Variants in MFHAS1 observed in about 807,000 individuals in gnomAD.
The protein encoded by MFHAS1 is multifunctional ROCO family signaling regulator 1.
A neutral mutation model predicts 70.4 loss-of-function variants in MFHAS1; 50 were observed. That is an observed-to-expected ratio of 0.71 (90% confidence interval 0.57 to 0.90). The LOEUF (loss-of-function observed/expected upper bound fraction) is 0.90. Ranked by LOEUF, MFHAS1 falls within the 40% of genes least tolerant of loss-of-function variation. The probability of loss-of-function intolerance (pLI) is 0.00; values close to 1 mark genes in which losing one functional copy is unlikely to be tolerated. For synonymous variants in MFHAS1, 952 were observed against 620.0 expected, an observed-to-expected ratio of 1.54 and a Z score of -7.96; for missense variants, 1,795 against 1,347.6, an observed-to-expected ratio of 1.33 and a Z score of -5.20.
intron 1 of MFHAS1, among the ~76,000 whole-genome samples, chr8:8,859,503 G>A (rs1208713079): frequency 2.6e-5 from 4 of 152,142 alleles, no homozygotes; most frequent in African/African-American, 9.7e-5. Flanking sequence ...CTACTTATAT[G>A]ACAGTTTTCT....
rs993889964 is a variant in MFHAS1 at position 8,809,489 on chromosome 8, C to A, written c.2999-11998G>T. ...TCACTGACCCTAAAAAGGTCTGACA[C>A]CATGTGACCCAAGTCAAAGCCGCCT... On this transcript the variant is annotated intron_variant, in intron 1 of 2. Transcript: ENST00000276282. Among the ~76,000 whole-genome samples, 7 of 152,292 alleles carry A rather than the reference C, an allele frequency of 4.6e-5. No homozygotes were observed. The East Asian group carries it at 1.4e-3, about 29-fold the overall frequency.
intron 1 of MFHAS1, among the ~76,000 whole-genome samples, chr8:8,858,380 C>A (rs1465913725): frequency 6.6e-6 from 1 of 151,764 alleles, no homozygotes; most frequent in East Asian, 1.9e-4. Context: ...TTTGAAAATT[C>A]TAATAAATGA....
chr8:8,861,544 T>C (rs1427178926), intron 1 of MFHAS1, among the ~76,000 whole-genome samples: 1 of 152,224 alleles, frequency 6.6e-6, no homozygotes, highest in Non-Finnish European at 1.5e-5. Context: ...AAGGAAATCG[T>C]ATAATCAAAA....
Position 8,893,174 on chromosome 8 carries a change from G to C in MFHAS1, c.-116C>G. ...GCCTGCCCTCCCGCGCTCGGCGGCC[G>C]GCGGCCGCGGGTCCTAGCGCAGCCA... On this transcript the variant is annotated 5_prime_UTR_variant, in exon 1 of 3. Coordinates refer to ENST00000276282, the MANE Select transcript of MFHAS1 (RefSeq NM_004225.3). 7.2e-6 allele frequency: 4 copies of C among 553,270 alleles called. No homozygotes were observed. The highest frequency in any genetic ancestry group is 6.0e-4 in the Middle Eastern group (1 of 1,656). 34.3% of individuals were successfully genotyped at this position (553,270 alleles called of 1,614,324 possible).
rs1229932074 is a variant in MFHAS1, at chr8:8,892,598, A to AGCTGGGCGG, written c.452_460dup (p.Pro151_Gln153dup). On this transcript the variant is annotated inframe_insertion, in exon 1 of 3. Coordinates refer to ENST00000276282, the MANE Select transcript of MFHAS1 (RefSeq NM_004225.3). The surrounding 1 kb of genome is among the most constrained non-coding windows in gnomAD (Gnocchi z 4.7). Reference sequence around the variant, plus strand: ...CTCCTCCAGGTGAGCGAGAGCGCCCAGCTGGGCGGGCAGGGCGGGCAGCTG... The same window carrying AGCTGGGCGG: ...CTCCTCCAGGTGAGCGAGAGCGCCCAGCTGGGCGGGCTGGGCGGGCAGGGCGGGCAGCTG... 3 of 1,609,316 alleles carry AGCTGGGCGG rather than the reference A, an allele frequency of 1.9e-6. No homozygotes were observed. The highest frequency in any genetic ancestry group is 2.5e-6 in the Non-Finnish European group (3 of 1,178,248).
intron 1 of MFHAS1, among the ~76,000 whole-genome samples, chr8:8,871,971 G>C (rs995076340): frequency 6.6e-6 from 1 of 152,222 alleles, no homozygotes; most frequent in Non-Finnish European, 1.5e-5. Flanking sequence ...TCAACTCCCT[G>C]AGATGAAAAT....
intron 1 of MFHAS1, among the ~76,000 whole-genome samples, chr8:8,841,885 C>A (rs572714627): frequency 6.6e-6 from 1 of 152,268 alleles, no homozygotes; most frequent in African/African-American, 2.4e-5. Context: ...CTTTGGCAAC[C>A]TTATGTGAGA....
At chr8:8,792,147 G>T (rs1259106568) in intron 2 of MFHAS1, among the ~76,000 whole-genome samples, 10 of 150,214 alleles carry the variant, frequency 6.7e-5, no homozygotes, top group Admixed American at 6.6e-4. Context: ...GATAACAGGA[G>T]AATCATTTGA....
chr8:8,800,350 T>C (rs939842927), intron 1 of MFHAS1, among the ~76,000 whole-genome samples: 1 of 152,104 alleles, frequency 6.6e-6, no homozygotes, highest in Non-Finnish European at 1.5e-5. Context: ...TCCTCAAATA[T>C]AAAAATGCAA....
Position 8,795,053 on chromosome 8 carries a change from C to T in MFHAS1, c.3125+2312G>A, listed in dbSNP as rs1030671281. The stretch of plus-strand genomic sequence containing the variant: ...TCCTACCTCTATCGCACCTATTCGA[C>T]GGCACTTGGCTATGGCAAAACAATA... On this transcript the variant is annotated intron_variant, in intron 2 of 2. Coordinates refer to ENST00000276282, the MANE Select transcript of MFHAS1 (RefSeq NM_004225.3). 7.9e-5 allele frequency among the ~76,000 whole-genome samples: 12 copies of T among 152,260 alleles called. No individual in the cohort carries two copies. In the South Asian group the frequency reaches 1.2e-3, roughly 16 times the overall value.
At chr8:8,847,569 T>G (rs1808082591) in intron 1 of MFHAS1, among the ~76,000 whole-genome samples, 1 of 152,186 alleles carries the variant, frequency 6.6e-6, no homozygotes, top group Admixed American at 6.5e-5. Flanking sequence ...GGAAATTCAT[T>G]ATTGATAAGA....
chr8:8,842,559 G>A (rs1046164805), intron 1 of MFHAS1, among the ~76,000 whole-genome samples: 2 of 152,090 alleles, frequency 1.3e-5, no homozygotes, highest in African/African-American at 2.4e-5. Context: ...GACACAGGAC[G>A]CACGTGTAAA....
intron 2 of MFHAS1, 123 bp downstream of exon 2, chr8:8,797,242 G>A (rs1805935974): frequency 9.9e-7 from 1 of 1,014,226 alleles, no homozygotes; most frequent in Non-Finnish European, 1.4e-6. Context: ...GAAGAATTAT[G>A]TCTGTTCAGG....
chr8:8,847,866 T>C (rs926813762), intron 1 of MFHAS1, among the ~76,000 whole-genome samples: 5 of 152,252 alleles, frequency 3.3e-5, no homozygotes, highest in South Asian at 4.1e-4. Flanking sequence ...GTATAGCCCA[T>C]GTTGCTGAAC....
intron 1 of MFHAS1, among the ~76,000 whole-genome samples, chr8:8,857,422 T>C (rs977220909): frequency 3.9e-5 from 6 of 152,142 alleles, no homozygotes; most frequent in Non-Finnish European, 7.3e-5. Context: ...GGTCCTTTCT[T>C]TTTTCCTCCA....
chr8:8,837,040 G>A (rs1028753712), intron 1 of MFHAS1, among the ~76,000 whole-genome samples: 4 of 152,170 alleles, frequency 2.6e-5, no homozygotes, highest in Admixed American at 6.5e-5. Flanking sequence ...GGATTGGGAC[G>A]TGCAATGGCG....
chr8:8,816,467 CATGAGTTT>C, intron 1 of MFHAS1, among the ~76,000 whole-genome samples: 1 of 152,184 alleles, frequency 6.6e-6, no homozygotes, highest in African/African-American at 2.4e-5. Context: ...GATCATATCC[CATGAGTTT>C]CATGCTAAAG....
At chr8:8,806,087 T>C (rs1452543082) in intron 1 of MFHAS1, among the ~76,000 whole-genome samples, 1 of 152,218 alleles carries the variant, frequency 6.6e-6, no homozygotes, top group Non-Finnish European at 1.5e-5. Context: ...GTCTTCCTCA[T>C]GCCTGGTTAT....
intron 1 of MFHAS1, among the ~76,000 whole-genome samples, chr8:8,871,576 C>T (rs1182020602): frequency 6.6e-6 from 1 of 152,156 alleles, no homozygotes; most frequent in Non-Finnish European, 1.5e-5. Flanking sequence ...TACTTGGGGA[C>T]TTGACATCTA....
Sources: allele counts gnomAD v4.1 joint callset (sites outside exome capture counted in the v4.1 genomes callset), GRCh38; gene constraint gnomAD v4.1.1; non-coding constraint Gnocchi (gnomAD v3.1); transcripts MANE v1.5; gene names NCBI Gene and HGNC (gene_info 2026-07-23, HGNC 2026-07-21).